The following PPARGC1A variants were observed in gnomAD, a reference collection of about 807,000 sequenced individuals.
PPARGC1A encodes PPARG coactivator 1 alpha.
PPARGC1A carries 25 observed loss-of-function variants against 88.7 expected under a neutral mutation model. That is an observed-to-expected ratio of 0.28 (90% CI 0.21 to 0.39). The LOEUF (loss-of-function observed/expected upper bound fraction) is 0.39, where lower values mean the gene tolerates loss of function less well. Among genes scored for constraint, PPARGC1A ranks in the 10% least tolerant of loss-of-function variants. The probability of loss-of-function intolerance (pLI) is 1.00; values close to 1 mark genes in which losing one functional copy is unlikely to be tolerated. For missense variants in PPARGC1A, 880 were observed against 968.7 expected (o/e 0.91, Z 1.22); for synonymous variants, 363 against 355.6 (o/e 1.02, Z -0.24).
the PPARGC1A span, among the ~76,000 whole-genome samples, chr4:24,310,118 A>G: frequency 6.6e-6 from 1 of 152,226 alleles, no homozygotes; most frequent in Non-Finnish European, 1.5e-5. Context: ...CCTGTGTTCA[A>G]GATGCCTGTT....
chr4:24,067,268 G>A, the PPARGC1A span, among the ~76,000 whole-genome samples: 34,557 of 151,776 alleles, frequency 0.23, 4,448 homozygotes, highest in Admixed American at 0.35. Flanking sequence ...TTTGCTAAGA[G>A]AAACAGAACA....
At chr4:24,240,429 TC>T in the PPARGC1A span, among the ~76,000 whole-genome samples, 1 of 152,218 alleles carries the variant, frequency 6.6e-6, no homozygotes, top group African/African-American at 2.4e-5. Flanking sequence ...TTCATGGGAC[TC>T]CCTGCTTCTA....
At chr4:24,282,255 A>C in the PPARGC1A span, among the ~76,000 whole-genome samples, 1 of 152,198 alleles carries the variant, frequency 6.6e-6, no homozygotes, top group Non-Finnish European at 1.5e-5. Context: ...TCTTGAAATA[A>C]CTGTGGTATT....
At chr4:24,424,363 C>T in the PPARGC1A span, among the ~76,000 whole-genome samples, 1 of 148,482 alleles carries the variant, frequency 6.7e-6, no homozygotes, top group Non-Finnish European at 1.5e-5. Flanking sequence ...GCAAGCTCCA[C>T]CTCCCGGGTT....
At chr4:24,177,490 T>C in the PPARGC1A span, among the ~76,000 whole-genome samples, 14 of 151,684 alleles carry the variant, frequency 9.2e-5, no homozygotes, top group Admixed American at 5.9e-4. Context: ...GGGGGAGGGA[T>C]AGCATTAGGA....
At chr4:24,305,133 GTA>G in the PPARGC1A span, among the ~76,000 whole-genome samples, 16 of 142,868 alleles carry the variant, frequency 1.1e-4, no homozygotes, top group South Asian at 4.5e-4. Flanking sequence ...ATATGTGTAT[GTA>G]TATATATATA....
At chr4:24,438,105 C>T in the PPARGC1A span, among the ~76,000 whole-genome samples, 1 of 152,098 alleles carries the variant, frequency 6.6e-6, no homozygotes, top group Admixed American at 6.5e-5. Flanking sequence ...GACCAGGGGT[C>T]GCCAGGGAGA....
the PPARGC1A span, among the ~76,000 whole-genome samples, chr4:24,432,529 G>A: frequency 6.6e-6 from 1 of 152,206 alleles, no homozygotes; most frequent in Non-Finnish European, 1.5e-5. Flanking sequence ...ATTTAGCGAT[G>A]CATAGAGCGC....
At chr4:24,217,441 T>A in the PPARGC1A span, among the ~76,000 whole-genome samples, 1 of 152,138 alleles carries the variant, frequency 6.6e-6, no homozygotes, top group Non-Finnish European at 1.5e-5. Context: ...GTTGTTCGGA[T>A]GGAAGAGCAT....
chr4:23,924,521 CTGAGGCAGGAG>C, the PPARGC1A span, among the ~76,000 whole-genome samples: 1 of 152,112 alleles, frequency 6.6e-6, no homozygotes, highest in Non-Finnish European at 1.5e-5. Context: ...ACTTAGGAGG[CTGAGGCAGGAG>C]AATCACTTGA....
the PPARGC1A span, among the ~76,000 whole-genome samples, chr4:24,218,505 G>T: frequency 6.6e-6 from 1 of 152,216 alleles, no homozygotes; most frequent in Non-Finnish European, 1.5e-5. Flanking sequence ...ATGCTAGCAG[G>T]AATACAGGGC....
At chr4:23,853,343 T>C (rs949895713) in intron 2 of PPARGC1A, among the ~76,000 whole-genome samples, 1 of 152,196 alleles carries the variant, frequency 6.6e-6, no homozygotes, top group Non-Finnish European at 1.5e-5. Context: ...AGGGTCATTA[T>C]ACTTTATGTG....
chr4:24,134,192 A>T, the PPARGC1A span, among the ~76,000 whole-genome samples: 5 of 152,224 alleles, frequency 3.3e-5, no homozygotes, highest in Non-Finnish European at 5.9e-5. Context: ...AAATTGCAAT[A>T]AACCCCATAT....
At chr4:24,465,507 C>A in the PPARGC1A span, among the ~76,000 whole-genome samples, 1 of 152,142 alleles carries the variant, frequency 6.6e-6, no homozygotes, top group Non-Finnish European at 1.5e-5. Context: ...AAAGTGTGAT[C>A]ATTGATTTCC....
chr4:23,886,859 A>T (rs1165234023), intron 1 of PPARGC1A, among the ~76,000 whole-genome samples: 3 of 93,002 alleles, frequency 3.2e-5, no homozygotes, highest in Non-Finnish European at 5.9e-5. Flanking sequence ...TAGTCTTTAA[A>T]AAAAAAAAAA....
the PPARGC1A span, among the ~76,000 whole-genome samples, chr4:24,002,568 C>T: frequency 1.3e-5 from 2 of 151,144 alleles, no homozygotes; most frequent in Admixed American, 6.6e-5. Flanking sequence ...CTGGCATAAT[C>T]CCAGCGTTAA....
the PPARGC1A span, among the ~76,000 whole-genome samples, chr4:24,121,725 A>C: frequency 6.6e-6 from 1 of 152,212 alleles, no homozygotes. Context: ...ATATGGTCCT[A>C]CATTCATTAT....
At chr4:24,081,205 T>G in the PPARGC1A span, among the ~76,000 whole-genome samples, 2 of 152,114 alleles carry the variant, frequency 1.3e-5, no homozygotes, top group Non-Finnish European at 2.9e-5. Flanking sequence ...AGCTATATCA[T>G]GTAACCACTT....
chr4:24,176,330 T>C, the PPARGC1A span, among the ~76,000 whole-genome samples: 1 of 152,278 alleles, frequency 6.6e-6, no homozygotes, highest in African/African-American at 2.4e-5. Flanking sequence ...GCAACATATC[T>C]CAACTGATTT....
Sources: gnomAD v4.1 joint callset for allele counts (sites outside exome capture counted in the v4.1 genomes callset) on GRCh38, gnomAD v4.1.1 for gene constraint, MANE v1.5 for transcripts, NCBI Gene and HGNC (gene_info 2026-07-23, HGNC 2026-07-21) for gene names.